The following PARVB variants were observed in gnomAD, a reference collection of about 807,000 sequenced individuals.
PARVB encodes the protein parvin beta, also known as beta-parvin.
PARVB carries 46 observed loss-of-function variants against 47.0 expected under a neutral mutation model. That is an observed-to-expected ratio of 0.98 (90% CI 0.77 to 1.25). The LOEUF (loss-of-function observed/expected upper bound fraction) is 1.25. PARVB is among the 50% of genes most tolerant of loss of function. The probability of loss-of-function intolerance (pLI) is 0.00; values close to 1 mark genes in which losing one functional copy is unlikely to be tolerated. For missense variants in PARVB, 473 were observed against 471.6 expected, an observed-to-expected ratio of 1.00 and a Z score of -0.03; for synonymous variants, 196 against 196.3, an observed-to-expected ratio of 1.00 and a Z score of 0.01.
intron 2 of PARVB, among the ~76,000 whole-genome samples, chr22:44,000,974 T>A (rs1384105116): frequency 6.6e-6 from 1 of 152,210 alleles, no homozygotes; most frequent in Non-Finnish European, 1.5e-5. Context: ...TTTGGCCAGG[T>A]GCGGTGGCCC....
chr22:44,034,740 TC>T (rs1403262428), intron 1 of PARVB, among the ~76,000 whole-genome samples: 1 of 145,850 alleles, frequency 6.9e-6, no homozygotes, highest in Non-Finnish European at 1.5e-5. Context: ...AGACGGAGTT[TC>T]GCTCTTGTCA....
At chr22:44,153,300 A>G (rs1178828625) in intron 10 of PARVB, 1 of 151,776 alleles carries the variant, frequency 6.6e-6, no homozygotes, top group Non-Finnish European at 1.5e-5. Context: ...TCATGGTTGG[A>G]TGTGTATTTT....
chr22:44,165,533 T>C (rs149858560), intron 12 of PARVB, among the ~76,000 whole-genome samples: 1 of 152,306 alleles, frequency 6.6e-6, no homozygotes, highest in African/African-American at 2.4e-5. Flanking sequence ...AGGGAGTGGC[T>C]AGAGGCCCGA....
chr22:44,094,852 C>T (rs1569108082), intron 2 of PARVB, among the ~76,000 whole-genome samples: 1 of 151,666 alleles, frequency 6.6e-6, no homozygotes, highest in Non-Finnish European at 1.5e-5. Context: ...CAGGCCTAGG[C>T]CTGGCTTGTT....
intron 6 of PARVB, among the ~76,000 whole-genome samples, chr22:44,135,834 C>A (rs930143997): frequency 1.5e-4 from 23 of 152,188 alleles, no homozygotes; most frequent in Non-Finnish European, 2.5e-4. Flanking sequence ...GTGGCCACAT[C>A]TCTCCAGTCT....
chr22:44,124,788 A>T (rs1363414696), intron 4 of PARVB, among the ~76,000 whole-genome samples: 2 of 152,170 alleles, frequency 1.3e-5, no homozygotes, highest in African/African-American at 2.4e-5. Flanking sequence ...GGGTGGGATC[A>T]TGTTTTTCTC....
At chr22:44,148,609 G>A (rs1199574843) in intron 9 of PARVB, 2 of 155,930 alleles carry the variant, frequency 1.3e-5, no homozygotes, top group African/African-American at 2.4e-5. Context: ...AGGCAAGAGA[G>A]TTCTCCTTTG....
At chr22:44,082,876 T>G (rs967469731) in intron 1 of PARVB, among the ~76,000 whole-genome samples, 1 of 152,156 alleles carries the variant, frequency 6.6e-6, no homozygotes, top group South Asian at 2.1e-4. Flanking sequence ...TACATTTCTA[T>G]GTAAGCAACT....
chr22:44,024,413 TG>T lies in PARVB; in HGVS notation c.77del (p.Gly26AlafsTer13). ...MKKDESFLGK[L>X]GGTLARKRRA... ...AAGGACGAGTCGTTCCTGGGCAAGC[TG>T]GGCGGCACCCTGGCCAGGAAGCGGA... is the stretch of plus-strand genomic sequence containing the variant. On this transcript the variant is annotated frameshift_variant, in exon 1 of 13. Coordinates refer to ENST00000338758, the MANE Select transcript of PARVB (RefSeq NM_013327.5). LOFTEE classifies it high-confidence loss of function. The T allele has an allele frequency of 8.0e-7, 1 of 1,246,628 alleles. No individual in the cohort carries two copies. 77.2% of individuals were successfully genotyped at this position (1,246,628 alleles called of 1,614,324 possible). A position where few individuals can be genotyped will look rare whatever the true frequency, so the allele number is the denominator to read the frequency against.
Position 44,068,684 on chromosome 22 carries a change from G to A in PARVB, c.113-25244G>A, listed in dbSNP as rs115970493. Among the ~76,000 whole-genome samples, 41 of 152,312 alleles carry A rather than the reference G, an allele frequency of 2.7e-4. No homozygotes were observed. The highest frequency in any genetic ancestry group is 8.2e-4 in the African/African-American group (34 of 41,564). On this transcript the variant is annotated intron_variant, in intron 1 of 12. Coordinates refer to ENST00000338758, the MANE Select transcript of PARVB (RefSeq NM_013327.5). This position sits in a 1 kb window ranked among gnomAD's most constrained non-coding sequence, Gnocchi z 4.1. ...GCCCACAGTGGTGCCACCTCTTGCC[G>A]GGGGTCAGGCAGAGGAGACCCAGCT...
At chr22:44,039,960 G>A (rs916592840) in intron 1 of PARVB, 19 of 420,674 alleles carry the variant, frequency 4.5e-5, no homozygotes, top group Middle Eastern at 6.8e-4. Flanking sequence ...GACCACAGGT[G>A]TGTACCACTA....
intron 12 of PARVB, among the ~76,000 whole-genome samples, chr22:44,164,855 C>T (rs2054132300): frequency 6.6e-6 from 1 of 152,208 alleles, no homozygotes; most frequent in African/African-American, 2.4e-5. Context: ...GATCCTGTCC[C>T]TTCCATCTAC....
chr22:44,065,764 G>T (rs1460621651), intron 1 of PARVB, among the ~76,000 whole-genome samples: 1 of 152,092 alleles, frequency 6.6e-6, no homozygotes, highest in Non-Finnish European at 1.5e-5. Context: ...TTAGAATAAT[G>T]GTCTCCAGTT....
At chr22:44,052,076 G>A (rs561195276) in intron 1 of PARVB, among the ~76,000 whole-genome samples, 2 of 152,206 alleles carry the variant, frequency 1.3e-5, no homozygotes, top group Non-Finnish European at 2.9e-5. Flanking sequence ...GGAGAGAATC[G>A]ACGTCTGTTG....
At chr22:44,082,168 T>C (rs1200371896) in intron 1 of PARVB, among the ~76,000 whole-genome samples, 8 of 152,092 alleles carry the variant, frequency 5.3e-5, no homozygotes, top group Non-Finnish European at 1.2e-4. Flanking sequence ...CACCGCAAGG[T>C]GGGGGCACTG....
chr22:44,021,748 AAAGTCTAGACTCACAC>A (rs1479459843), upstream of PARVB, among the ~76,000 whole-genome samples: 2 of 140,302 alleles, frequency 1.4e-5, no homozygotes, highest in African/African-American at 5.3e-5. Flanking sequence ...GTGTCCCTGT[AAAGTCTAGACTCACAC>A]ACACACACAC....
chr22:44,107,409 G>A (rs1186471882), intron 3 of PARVB: 3 of 152,218 alleles, frequency 2.0e-5, no homozygotes, highest in Non-Finnish European at 4.4e-5. Context: ...GCCATATAAG[G>A]AGAAACCTAG....
chr22:44,086,719 C>T (rs777437757), intron 1 of PARVB: 17 of 983,470 alleles, frequency 1.7e-5, no homozygotes, highest in Non-Finnish European at 2.1e-5. Flanking sequence ...TACAACTGGA[C>T]TTATTTTTAG....
chr22:44,120,202 A>G (rs2053012852), intron 4 of PARVB, among the ~76,000 whole-genome samples: 1 of 152,180 alleles, frequency 6.6e-6, no homozygotes, highest in Non-Finnish European at 1.5e-5. Flanking sequence ...GCGCTCCTGC[A>G]TGATCACAGC....
Sources: gnomAD v4.1 joint callset for allele counts (sites outside exome capture counted in the v4.1 genomes callset) on GRCh38, gnomAD v4.1.1 for gene constraint, Gnocchi (gnomAD v3.1) non-coding constraint, MANE v1.5 for transcripts, NCBI Gene and HGNC (gene_info 2026-07-23, HGNC 2026-07-21) for gene names.